Variants in SRRM1 observed in about 807,000 individuals in gnomAD.
The protein encoded by SRRM1 is serine and arginine repetitive matrix 1.
SRRM1 carries 19 observed loss-of-function variants against 110.2 expected under a neutral mutation model. The ratio of observed to expected loss-of-function variants is 0.17; its 90% CI spans 0.12 to 0.25. The LOEUF is 0.25. SRRM1 is among the 10% of genes least tolerant of loss of function. The probability of loss-of-function intolerance (pLI) is 1.00; values close to 1 mark genes in which losing one functional copy is unlikely to be tolerated. For synonymous variants in SRRM1, 443 were observed against 414.9 expected (o/e 1.07, Z -0.82); for missense variants, 918 against 1,145.8 (o/e 0.80, Z 2.87).
At chr1:24,665,478 C>CCGAG in intron 12 of SRRM1, among the ~76,000 whole-genome samples, 1 of 150,996 alleles carries the variant, frequency 6.6e-6, no homozygotes, top group African/African-American at 2.4e-5. Context: ...CTTTGGGAGG[C>CCGAG]CGAGGCGGGT....
chr1:24,658,891 C>G (rs1204725119), intron 9 of SRRM1, among the ~76,000 whole-genome samples: 1 of 152,118 alleles, frequency 6.6e-6, no homozygotes, highest in Non-Finnish European at 1.5e-5. Context: ...TGGCTTATTA[C>G]GTAGAAATTT....
Position 24,652,025 on chromosome 1 carries a change from T to TAA in SRRM1, c.726-405_726-404dup, listed in dbSNP as rs1162964267. 1.8e-3 allele frequency among the ~76,000 whole-genome samples: 172 copies of TAA among 97,528 alleles called. 2 individuals are homozygous for TAA. The highest frequency in any genetic ancestry group is 6.0e-3 in the South Asian group (18 of 3,014). 64.0% of individuals were successfully genotyped at this position (97,528 alleles called of 152,430 possible). A position where few individuals can be genotyped will look rare whatever the true frequency, so the allele number is the denominator to read the frequency against. ...CAACATGGTGAAACTCCATCTGTAC[T>TAA]AAAAATATATATATATATATATATA... On this transcript the variant is annotated intron_variant, in intron 6 of 16. Transcript: ENST00000323848.
At chr1:24,662,968 T>G in intron 12 of SRRM1, 164 bp downstream of exon 12, 1 of 1,038,372 alleles carries the variant, frequency 9.6e-7, no homozygotes, top group South Asian at 1.8e-5. Context: ...TTTGCTTTAT[T>G]GGTGGTTATT....
intron 11 of SRRM1, 114 bp downstream of exon 11, chr1:24,661,510 TCTGAGG>T: frequency 1.5e-6 from 1 of 671,828 alleles, no homozygotes; most frequent in Non-Finnish European, 2.4e-6. Context: ...TAGAAATCTG[TCTGAGG>T]AGGCAGGATT....
At chr1:24,646,888 T>G in intron 3 of SRRM1, 99 bp downstream of exon 3, 6 of 945,488 alleles carry the variant, frequency 6.3e-6, no homozygotes, top group Non-Finnish European at 9.2e-6. Flanking sequence ...ATAGAAGGGT[T>G]ATTTTACAAT....
chr1:24,659,098 G>A (rs1665829903), intron 9 of SRRM1, among the ~76,000 whole-genome samples: 1 of 152,074 alleles, frequency 6.6e-6, no homozygotes, highest in African/African-American at 2.4e-5. Context: ...GGTGGCTGAG[G>A]CAGGAGAATC....
At chr1:24,652,016 CATCTGTACTAAAAATATATATATATAT>C (rs1361810795) in intron 6 of SRRM1, among the ~76,000 whole-genome samples, 1 of 88,986 alleles carries the variant, frequency 1.1e-5, no homozygotes, top group East Asian at 3.8e-4. Flanking sequence ...GGTGAAACTC[CATCTGTACTAAAAATATATATATATAT>C]ATATATATAT....
At chr1:24,667,502 C>T (rs1670587411) in intron 13 of SRRM1, among the ~76,000 whole-genome samples, 1 of 152,114 alleles carries the variant, frequency 6.6e-6, no homozygotes, top group African/African-American at 2.4e-5. Flanking sequence ...TCCTGGATAC[C>T]TCTGTAGTAT....
At position 24,672,076 on chromosome 1, in the gene SRRM1, A is replaced by T. The variant is rs773759280; in HGVS notation, c.2611-106A>T. ...CTCCCTGCTCCCCCTACCCCACAACAGTCCCCGGTGTGTGATGTTCCCCTC... is the reference window on the plus strand; with the variant it reads ...CTCCCTGCTCCCCCTACCCCACAACTGTCCCCGGTGTGTGATGTTCCCCTC... On this transcript the variant is annotated intron_variant, in intron 16 of 16. Coordinates refer to ENST00000323848, the MANE Select transcript of SRRM1 (RefSeq NM_005839.4). 5.6e-5 allele frequency: 46 copies of T among 818,292 alleles called. No individual in the cohort carries two copies. The East Asian group carries it at 1.1e-3, about 20-fold the overall frequency. The allele number at this position is 818,292 out of a possible 1,614,324, so 50.7% of individuals were successfully genotyped here.
chr1:24,652,842 A>T, intron 7 of SRRM1, 71 bp from the exon 8 acceptor site: 1 of 1,520,292 alleles, frequency 6.6e-7, no homozygotes, highest in Non-Finnish European at 8.8e-7. Context: ...AGATGTGGCC[A>T]TTGAGAAAAC....
At chr1:24,660,882 G>T (rs1472781482) in intron 10 of SRRM1, 83 bp downstream of exon 10, 1 of 966,910 alleles carries the variant, frequency 1.0e-6, no homozygotes, top group Non-Finnish European at 1.6e-6. Context: ...TGCACATTTG[G>T]TCATCCCCTT....
At chr1:24,646,440 T>C (rs1384976430) in intron 2 of SRRM1, among the ~76,000 whole-genome samples, 1 of 150,018 alleles carries the variant, frequency 6.7e-6, no homozygotes, top group East Asian at 2.0e-4. Context: ...GGCAGGAGAA[T>C]GGCACGAACC....
chr1:24,666,761 TCA>T, intron 12 of SRRM1, 52 bp from the exon 13 acceptor site: 38 of 1,414,612 alleles, frequency 2.7e-5, no homozygotes, highest in East Asian at 4.9e-5. Flanking sequence ...TGAGACGCCA[TCA>T]CACACACACA....
chr1:24,672,097 C>G (rs557988574), intron 16 of SRRM1, 85 bp from the exon 17 acceptor site: 3 of 1,016,982 alleles, frequency 2.9e-6, no homozygotes, highest in East Asian at 5.3e-5. Flanking sequence ...TGTGATGTTC[C>G]CCTCCCACAC....
At chr1:24,646,607 A>C (rs1657812687) in intron 2 of SRRM1, 60 bp from the exon 3 acceptor site, 30 of 1,479,746 alleles carry the variant, frequency 2.0e-5, no homozygotes, top group Non-Finnish European at 2.4e-5. Flanking sequence ...CAGAACTCTA[A>C]CTTGAGCATT....
chr1:24,651,716 AT>A, intron 6 of SRRM1, 104 bp downstream of exon 6: 1 of 946,716 alleles, frequency 1.1e-6, no homozygotes, highest in Non-Finnish European at 1.6e-6. Flanking sequence ...TTCCTTTTAG[AT>A]TTTTTAAATT....
At chr1:24,643,620 C>A in intron 1 of SRRM1, 1 of 390,506 alleles carries the variant, frequency 2.6e-6, no homozygotes. Context: ...TACCTCGCTG[C>A]CCGCCTGCCT....
intron 2 of SRRM1, 23 bp from the exon 3 acceptor site, chr1:24,646,644 T>A (rs781604309): frequency 3.2e-6 from 5 of 1,550,958 alleles, no homozygotes; most frequent in Non-Finnish European, 3.4e-6. Flanking sequence ...AAGTTGTACT[T>A]AATTGTTTCT....
intron 13 of SRRM1, among the ~76,000 whole-genome samples, chr1:24,668,764 A>G (rs1481755084): frequency 6.6e-6 from 1 of 152,262 alleles, no homozygotes; most frequent in Non-Finnish European, 1.5e-5. Flanking sequence ...TGGTTATTAT[A>G]TAATAACTGA....
Sources: gnomAD v4.1 joint callset for allele counts (sites outside exome capture counted in the v4.1 genomes callset) on GRCh38, gnomAD v4.1.1 for gene constraint, MANE v1.5 for transcripts, NCBI Gene and HGNC (gene_info 2026-07-23, HGNC 2026-07-21) for gene names.